The following RGS8 variants were observed in gnomAD, a reference collection of about 807,000 sequenced individuals.
RGS8 encodes the protein regulator of G protein signaling 8.
RGS8 carries 8 observed loss-of-function variants against 21.7 expected under a neutral mutation model. The observed-to-expected ratio is 0.37, with a 90% CI of 0.22 to 0.66. The LOEUF (loss-of-function observed/expected upper bound fraction) is 0.66, where lower values mean the gene tolerates loss of function less well. Ranked by LOEUF, RGS8 falls within the 30% of genes least tolerant of loss-of-function variation. The pLI, the probability that RGS8 is intolerant of heterozygous loss-of-function variation, is 0.59. For synonymous variants in RGS8, 80 were observed against 83.6 expected (o/e 0.96, Z 0.24); for missense variants, 157 against 217.9 (o/e 0.72, Z 1.76).
At chr1:182,696,162 C>A in the RGS8 span, among the ~76,000 whole-genome samples, 1 of 152,156 alleles carries the variant, frequency 6.6e-6, no homozygotes, top group Admixed American at 6.5e-5. Flanking sequence ...TGCCTCTATC[C>A]CTCTGTAAGA....
At chr1:182,646,728 CT>C (rs1662719583) in exon 7 of RGS8, 2 of 1,605,108 alleles carry the variant, frequency 1.2e-6, no homozygotes. Flanking sequence ...GAGTTCCCTT[CT>C]GAGGTCTAAC....
the RGS8 span, among the ~76,000 whole-genome samples, chr1:182,746,184 G>T: frequency 1.3e-5 from 2 of 152,006 alleles, no homozygotes; most frequent in African/African-American, 2.4e-5. Flanking sequence ...GCCACCCCAG[G>T]TACCACCTTT....
At chr1:182,683,090 C>T (rs902101728) in intron 1 of RGS8, among the ~76,000 whole-genome samples, 3 of 152,204 alleles carry the variant, frequency 2.0e-5, no homozygotes, top group Non-Finnish European at 4.4e-5. Context: ...GGGAGGCTTA[C>T]CTTGACCTGG....
At chr1:182,742,446 A>G in the RGS8 span, among the ~76,000 whole-genome samples, 3 of 152,120 alleles carry the variant, frequency 2.0e-5, no homozygotes, top group African/African-American at 4.8e-5. Context: ...CAGCCTGGGC[A>G]CCATTGAGCA....
intron 1 of RGS8, among the ~76,000 whole-genome samples, chr1:182,678,069 T>C (rs1406878734): frequency 6.6e-6 from 1 of 152,236 alleles, no homozygotes; most frequent in Non-Finnish European, 1.5e-5. Flanking sequence ...AGATATTTAA[T>C]AGTATTAAGA....
chr1:182,707,515 C>A, the RGS8 span, among the ~76,000 whole-genome samples: 2 of 152,188 alleles, frequency 1.3e-5, no homozygotes, highest in African/African-American at 4.8e-5. Context: ...CCTGCCCCCA[C>A]CTCTACTATC....
At chr1:182,703,788 A>G in the RGS8 span, among the ~76,000 whole-genome samples, 2 of 152,366 alleles carry the variant, frequency 1.3e-5, no homozygotes, top group South Asian at 4.1e-4. Flanking sequence ...CTCAGCACAC[A>G]TTGACTGGGA....
intron 5 of RGS8, among the ~76,000 whole-genome samples, chr1:182,651,350 C>T (rs1201152370): frequency 6.6e-6 from 1 of 152,200 alleles, no homozygotes; most frequent in Non-Finnish European, 1.5e-5. Flanking sequence ...GCCGAGCCTA[C>T]CCTAAATGTG....
At chr1:182,726,614 G>T in the RGS8 span, among the ~76,000 whole-genome samples, 2 of 151,654 alleles carry the variant, frequency 1.3e-5, no homozygotes, top group Admixed American at 6.6e-5. Flanking sequence ...AGGTTGTGGT[G>T]AGCCAAGATC....
upstream of RGS8, among the ~76,000 whole-genome samples, chr1:182,689,116 C>CA (rs374043510): frequency 3.5e-3 from 524 of 151,550 alleles, 2 homozygotes; most frequent in African/African-American, 0.012. Context: ...GAGCAAAAAG[C>CA]AAAAAACGGT....
At chr1:182,697,969 G>A in the RGS8 span, among the ~76,000 whole-genome samples, 16 of 152,224 alleles carry the variant, frequency 1.1e-4, no homozygotes, top group African/African-American at 3.1e-4. Flanking sequence ...AAGCTTTGGC[G>A]TGTTAATGTT....
upstream of RGS8, among the ~76,000 whole-genome samples, chr1:182,686,060 C>A (rs1168045785): frequency 6.6e-6 from 1 of 152,150 alleles, no homozygotes; most frequent in Non-Finnish European, 1.5e-5. Flanking sequence ...CTGGACACAA[C>A]CTGCACCCTG....
In RGS8 at chr1:182,671,743, T is replaced by G; in HGVS notation, c.-177-13A>C. On this transcript the variant is annotated splice_polypyrimidine_tract_variant and intron_variant, in intron 1 of 6. Transcript: ENST00000483095. ...GGGTTAAGGTGTTCTGGGGAAAAAG[T>G]AGATCTTTCTTTTAGCAGTCAAATC... The G allele has an allele frequency of 3.1e-6, 5 of 1,613,980 alleles. No homozygotes were observed. The highest frequency in any genetic ancestry group is 4.2e-6 in the Non-Finnish European group (5 of 1,179,902).
chr1:182,681,291 C>T lies in RGS8; in HGVS notation n.221+3065G>A, dbSNP rs73063397. 7.5e-3 allele frequency among the ~76,000 whole-genome samples: 1,142 copies of T among 152,292 alleles called. 12 individuals carry two copies. The highest frequency in any genetic ancestry group is 0.027 in the African/African-American group (1,110 of 41,554). ...ACTGAAATGTGGCTTTCCCTCCTAT[C>T]GCTCAGTGCCAGGGTGCTGGTTATC... On this transcript the variant is annotated intron_variant and non_coding_transcript_variant, in intron 1 of 4. Coordinates refer to the RGS8 transcript ENST00000515211.
intron 5 of RGS8, among the ~76,000 whole-genome samples, chr1:182,660,793 G>T: frequency 6.6e-6 from 1 of 151,772 alleles, no homozygotes; most frequent in East Asian, 1.9e-4. Flanking sequence ...CCTTCCTGGA[G>T]GGTTTGTGAG....
chr1:182,726,436 C>T, the RGS8 span, among the ~76,000 whole-genome samples: 1,035 of 152,122 alleles, frequency 6.8e-3, 13 homozygotes, highest in African/African-American at 0.023. Context: ...TTTGGGAGGC[C>T]GAGGTAGGCA....
At chr1:182,702,790 TGA>T in the RGS8 span, among the ~76,000 whole-genome samples, 1 of 152,234 alleles carries the variant, frequency 6.6e-6, no homozygotes, top group Non-Finnish European at 1.5e-5. Flanking sequence ...CACAGATCAC[TGA>T]GAGATGACTC....
chr1:182,669,810 A>G, intron 2 of RGS8, 58 bp from the exon 4 acceptor site: 2 of 1,465,478 alleles, frequency 1.4e-6, no homozygotes, highest in African/African-American at 2.8e-5. Context: ...ACTGCACTAC[A>G]TTTCCTCTCA....
chr1:182,690,192 G>T, the RGS8 span, among the ~76,000 whole-genome samples: 1 of 152,038 alleles, frequency 6.6e-6, no homozygotes, highest in Non-Finnish European at 1.5e-5. Context: ...GTTTATGTGT[G>T]AAAAGCCTTA....
Sources: gnomAD v4.1 joint callset for allele counts (sites outside exome capture counted in the v4.1 genomes callset) on GRCh38, gnomAD v4.1.1 for gene constraint, MANE v1.5 for transcripts, NCBI Gene and HGNC (gene_info 2026-07-23, HGNC 2026-07-21) for gene names.